Variants in PIK3R6 observed in about 807,000 individuals in gnomAD.
The protein encoded by PIK3R6 is phosphoinositide 3-kinase regulatory subunit 6.
In PIK3R6, 91 loss-of-function variants were observed where a neutral mutation model predicts 84.9. That is an observed-to-expected ratio of 1.07 (90% confidence interval 0.90 to 1.28). The LOEUF (loss-of-function observed/expected upper bound fraction) is 1.28. Among genes scored for constraint, PIK3R6 ranks in the 50% most tolerant of loss-of-function variants. The pLI is 0.00. For missense variants in PIK3R6, 996 were observed against 985.1 expected, an observed-to-expected ratio of 1.01 and a Z score of -0.15; for synonymous variants, 416 against 411.4, an observed-to-expected ratio of 1.01 and a Z score of -0.13.
intron 5 of PIK3R6, among the ~76,000 whole-genome samples, chr17:8,837,179 A>G (rs1005199718): frequency 6.6e-6 from 1 of 152,154 alleles, no homozygotes; most frequent in Non-Finnish European, 1.5e-5. Context: ...GCATCAAGTT[A>G]TGCAAGCAAA....
intron 10 of PIK3R6, 116 bp downstream of exon 10, chr17:8,829,590 A>AC (rs1472766931): frequency 7.4e-6 from 8 of 1,075,910 alleles, no homozygotes; most frequent in African/African-American, 3.3e-5. Flanking sequence ...ACACTGACAC[A>AC]CACTCATGCA....
At chr17:8,828,498 C>A (rs1202477786) in intron 11 of PIK3R6, 69 bp downstream of exon 11, 4 of 1,549,704 alleles carry the variant, frequency 2.6e-6, no homozygotes, top group Non-Finnish European at 3.5e-6. Context: ...TGATCCTTCA[C>A]CAGCCCACGC....
intron 1 of PIK3R6, among the ~76,000 whole-genome samples, chr17:8,855,029 C>T (rs1276901078): frequency 6.6e-6 from 1 of 152,080 alleles, no homozygotes; most frequent in Admixed American, 6.6e-5. Context: ...CCCATTTCTA[C>T]TAAAAATACA....
chr17:8,819,316 T>TG, intron 17 of PIK3R6, 118 bp from the exon 18 acceptor site: 1 of 643,136 alleles, frequency 1.6e-6, no homozygotes, highest in Non-Finnish European at 2.6e-6. Context: ...CACTCCTCCT[T>TG]GGGCCCCCAC....
intron 1 of PIK3R6, among the ~76,000 whole-genome samples, chr17:8,865,616 T>TG (rs937195619): frequency 6.6e-6 from 1 of 151,800 alleles, no homozygotes; most frequent in Non-Finnish European, 1.5e-5. Flanking sequence ...GTGTTTTTTT[T>TG]TTTTTTGGAT....
At chr17:8,822,836 G>C (rs2087786413) in intron 15 of PIK3R6, among the ~76,000 whole-genome samples, 160 bp downstream of exon 15, 1 of 152,188 alleles carries the variant, frequency 6.6e-6, no homozygotes, top group Non-Finnish European at 1.5e-5. Context: ...GGTTGGAGGG[G>C]ATCAAGAGCA....
intron 1 of PIK3R6, among the ~76,000 whole-genome samples, chr17:8,866,898 C>T (rs1355407170): frequency 6.6e-6 from 1 of 152,120 alleles, no homozygotes; most frequent in Admixed American, 6.5e-5. Context: ...GACCAGGCCT[C>T]GGTCAGACTC....
At chr17:8,827,150 T>A (rs1221254308) in intron 13 of PIK3R6, 22 bp downstream of exon 13, 2 of 1,610,838 alleles carry the variant, frequency 1.2e-6, no homozygotes, top group South Asian at 2.2e-5. Context: ...TCTCCCTCCC[T>A]GGTACCCTCA....
chr17:8,852,883 C>T (rs1308179816), intron 1 of PIK3R6, among the ~76,000 whole-genome samples: 1 of 152,052 alleles, frequency 6.6e-6, no homozygotes, highest in African/African-American at 2.4e-5. Context: ...TGGGTGATTG[C>T]TGGACAATAT....
At chr17:8,807,388 A>G (rs2087235722) in intron 18 of PIK3R6, among the ~76,000 whole-genome samples, 1 of 152,148 alleles carries the variant, frequency 6.6e-6, no homozygotes, top group African/African-American at 2.4e-5. Context: ...ATTGACATAC[A>G]AAGATCATGC....
chr17:8,835,212 T>C (rs999688079), intron 8 of PIK3R6, 61 bp downstream of exon 8: 13 of 1,354,824 alleles, frequency 9.6e-6, no homozygotes, highest in African/African-American at 2.9e-5. Flanking sequence ...GGTGAATGAC[T>C]GGTATGGGCA....
At chr17:8,864,736 A>G (rs900493525) in intron 1 of PIK3R6, among the ~76,000 whole-genome samples, 4 of 151,706 alleles carry the variant, frequency 2.6e-5, no homozygotes, top group Admixed American at 2.6e-4. Context: ...ACGGGGTTTC[A>G]CCGTGTTGGC....
At position 8,841,300 on chromosome 17, in the gene PIK3R6, T is replaced by G. The variant is rs148476646; in HGVS notation, c.14-1603A>C. ...GCCTCCTCTTAGCCCTCTTCTTCAC[T>G]AGGGCTCAGCCCTGGCTCCTGTCCT... On this transcript the variant is annotated intron_variant, in intron 2 of 19. Transcript: ENST00000619866. Among the ~76,000 whole-genome samples the G allele has an allele frequency of 1.0e-3, 156 of 152,320 alleles. 1 individual carries two copies. In the East Asian group the frequency reaches 0.024, roughly 23 times the overall value.
chr17:8,843,743 C>T (rs189473346), intron 2 of PIK3R6, among the ~76,000 whole-genome samples: 28 of 152,134 alleles, frequency 1.8e-4, no homozygotes, highest in Admixed American at 1.3e-3. Flanking sequence ...CTGCTGACAC[C>T]GAACCTGGAT....
rs59253413 is a variant in PIK3R6 at position 8,828,215 on chromosome 17, G to A, written c.1314-25C>T. 940 of 1,609,908 alleles carry A rather than the reference G, an allele frequency of 5.8e-4. 3 individuals are homozygous for A. In the African/African-American group the frequency reaches 0.011, roughly 19 times the overall value. ...CCTAGCAATGGGCAGCAAAGCAGAGGAGGTTAGGGGCGGGGCTTGGCTTCA... is the reference window on the plus strand; with the variant it reads ...CCTAGCAATGGGCAGCAAAGCAGAGAAGGTTAGGGGCGGGGCTTGGCTTCA... On this transcript the variant is annotated intron_variant, in intron 11 of 19. Transcript: ENST00000619866.
intron 1 of PIK3R6, among the ~76,000 whole-genome samples, chr17:8,857,727 C>T (rs1349292109): frequency 2.0e-5 from 3 of 151,894 alleles, no homozygotes; most frequent in Admixed American, 6.6e-5. Flanking sequence ...GGTGAAACCC[C>T]GTCTCTACTA....
At chr17:8,838,494 T>C in intron 4 of PIK3R6, 70 bp downstream of exon 4, 3 of 1,418,502 alleles carry the variant, frequency 2.1e-6, no homozygotes, top group South Asian at 1.2e-5. Flanking sequence ...CTGCCAGGAC[T>C]GAGCCCCTGC....
At chr17:8,831,637 T>C (rs1255789100) in intron 9 of PIK3R6, among the ~76,000 whole-genome samples, 1 of 152,208 alleles carries the variant, frequency 6.6e-6, no homozygotes, top group Admixed American at 6.5e-5. Context: ...ACCCAACTGC[T>C]GTGGCCTCCA....
At chr17:8,836,727 A>C in intron 6 of PIK3R6, 64 bp downstream of exon 6, 1 of 1,609,588 alleles carries the variant, frequency 6.2e-7, no homozygotes, top group South Asian at 1.1e-5. Flanking sequence ...CTGGAGAAAA[A>C]GGAAAGACCC....
Sources: gnomAD v4.1 joint callset for allele counts (sites outside exome capture counted in the v4.1 genomes callset) on GRCh38, gnomAD v4.1.1 for gene constraint, MANE v1.5 for transcripts, NCBI Gene and HGNC (gene_info 2026-07-23, HGNC 2026-07-21) for gene names.